Variants in ADAMTSL3 observed in about 807,000 individuals in gnomAD.
ADAMTSL3 encodes ADAMTS like 3.
A neutral mutation model predicts 201.7 loss-of-function variants in ADAMTSL3; 128 were observed. The observed-to-expected ratio is 0.63, with a 90% CI of 0.55 to 0.73. The LOEUF (loss-of-function observed/expected upper bound fraction) is 0.73, where lower values mean the gene tolerates loss of function less well. Ranked by LOEUF, ADAMTSL3 falls within the 30% of genes least tolerant of loss-of-function variation. The pLI is 0.00. For missense variants in ADAMTSL3, 1,990 were observed against 2,119.6 expected, an observed-to-expected ratio of 0.94 and a Z score of 1.20; for synonymous variants, 738 against 748.4, an observed-to-expected ratio of 0.99 and a Z score of 0.23.
chr15:83,964,697 G>T (rs114236888), intron 19 of ADAMTSL3, among the ~76,000 whole-genome samples: 16 of 152,176 alleles, frequency 1.1e-4, no homozygotes, highest in African/African-American at 3.9e-4. Context: ...TCCTCTAGAA[G>T]AACAACCCCA....
chr15:84,034,692 A>G (rs1301692942), intron 28 of ADAMTSL3, among the ~76,000 whole-genome samples: 3 of 152,168 alleles, frequency 2.0e-5, no homozygotes, highest in Non-Finnish European at 4.4e-5. Context: ...CATCTACAGC[A>G]TTTTAAAGCT....
chr15:83,746,080 C>T (rs1175143175), intron 3 of ADAMTSL3, among the ~76,000 whole-genome samples: 1 of 152,142 alleles, frequency 6.6e-6, no homozygotes. Context: ...GTTCTTTGTA[C>T]TCAGTGGGTT....
intron 19 of ADAMTSL3, among the ~76,000 whole-genome samples, chr15:83,966,640 A>G (rs975384420): frequency 6.6e-6 from 1 of 152,194 alleles, no homozygotes; most frequent in African/African-American, 2.4e-5. Flanking sequence ...AACTATTCCA[A>G]ACAATAGAAA....
chr15:83,917,384 A>C, intron 16 of ADAMTSL3, among the ~76,000 whole-genome samples: 1 of 152,098 alleles, frequency 6.6e-6, no homozygotes, highest in Non-Finnish European at 1.5e-5. Flanking sequence ...AAGCATGAAG[A>C]ATCCAGACAC....
intron 7 of ADAMTSL3, among the ~76,000 whole-genome samples, chr15:83,843,384 G>A (rs902891164): frequency 1.3e-5 from 2 of 152,138 alleles, no homozygotes; most frequent in Non-Finnish European, 2.9e-5. Context: ...GTATGCATGC[G>A]CTTGAGCTAA....
At chr15:83,658,988 T>C (rs1489013176) in intron 2 of ADAMTSL3, among the ~76,000 whole-genome samples, 2 of 152,248 alleles carry the variant, frequency 1.3e-5, no homozygotes, top group Non-Finnish European at 2.9e-5. Context: ...ACATTGGTCA[T>C]GTGGCTTGCG....
intron 3 of ADAMTSL3, among the ~76,000 whole-genome samples, chr15:83,724,696 G>T (rs879186378): frequency 1.3e-5 from 2 of 150,854 alleles, no homozygotes; most frequent in Non-Finnish European, 2.9e-5. Context: ...TTCCCCCACC[G>T]CCACTATCCT....
Position 83,958,100 on chromosome 15 carries a change from A to T in ADAMTSL3, c.2491-12384A>T, listed in dbSNP as rs56188497. Among the ~76,000 whole-genome samples, 734 of 152,336 alleles carry T rather than the reference A, an allele frequency of 4.8e-3. 4 individuals carry two copies. Among genetic ancestry groups the T allele is most frequent in the Non-Finnish European group, 7.1e-3 (481 of 68,032 alleles). ...AGTGCAGACACTGTTCAGAAATGGCAGAATTAGCAGCTGGGCAGCGATAAA... is the reference window on the plus strand; with the variant it reads ...AGTGCAGACACTGTTCAGAAATGGCTGAATTAGCAGCTGGGCAGCGATAAA... On this transcript the variant is annotated intron_variant, in intron 19 of 29. Coordinates refer to ENST00000286744, the MANE Select transcript of ADAMTSL3 (RefSeq NM_207517.3).
chr15:83,952,270 T>C (rs538237535), intron 19 of ADAMTSL3, among the ~76,000 whole-genome samples: 1 of 152,206 alleles, frequency 6.6e-6, no homozygotes, highest in Non-Finnish European at 1.5e-5. Flanking sequence ...TTTTCCAAAA[T>C]TTCTCTTGTT....
chr15:83,980,524 A>C (rs936897422), intron 20 of ADAMTSL3, among the ~76,000 whole-genome samples: 1 of 152,174 alleles, frequency 6.6e-6, no homozygotes, highest in Non-Finnish European at 1.5e-5. Flanking sequence ...ACATGGCTTA[A>C]CTGGCTGGGC....
At chr15:83,844,715 C>T (rs1410728291) in intron 7 of ADAMTSL3, among the ~76,000 whole-genome samples, 1 of 152,166 alleles carries the variant, frequency 6.6e-6, no homozygotes, top group Non-Finnish European at 1.5e-5. Context: ...GGGTTCTAGT[C>T]CTTGCCTAGC....
chr15:83,996,091 T>C (rs1440692174), intron 23 of ADAMTSL3, among the ~76,000 whole-genome samples: 2 of 152,190 alleles, frequency 1.3e-5, no homozygotes, highest in Non-Finnish European at 2.9e-5. Flanking sequence ...TAAATTCTAA[T>C]TGATTTAAGT....
chr15:83,845,095 TTCAACGTAGTTACCTCTTTC>T (rs2064468260), intron 7 of ADAMTSL3, among the ~76,000 whole-genome samples: 2 of 152,236 alleles, frequency 1.3e-5, no homozygotes, highest in African/African-American at 4.8e-5. Flanking sequence ...CTCCCTGCTC[TTCAACGTAGTTACCTCTTTC>T]TCAACGTTGA....
intron 7 of ADAMTSL3, among the ~76,000 whole-genome samples, chr15:83,847,155 C>T (rs1486450085): frequency 6.6e-6 from 1 of 152,234 alleles, no homozygotes; most frequent in African/African-American, 2.4e-5. Flanking sequence ...TCAAGGCATG[C>T]TGGTCAGTTT....
chr15:83,842,682 A>C (rs1250094421), intron 7 of ADAMTSL3, among the ~76,000 whole-genome samples: 1 of 152,260 alleles, frequency 6.6e-6, no homozygotes, highest in African/African-American at 2.4e-5. Flanking sequence ...GAAAACGTTG[A>C]AAGTGTGAAA....
intron 3 of ADAMTSL3, among the ~76,000 whole-genome samples, chr15:83,752,747 G>C (rs182597609): frequency 8.8e-4 from 134 of 152,296 alleles, no homozygotes; most frequent in Non-Finnish European, 1.6e-3. Context: ...ATATAACTTA[G>C]ATGACACAGC....
At chr15:83,659,451 G>A (rs969525788) in intron 2 of ADAMTSL3, among the ~76,000 whole-genome samples, 13 of 152,344 alleles carry the variant, frequency 8.5e-5, no homozygotes, top group African/African-American at 3.1e-4. Flanking sequence ...CTGGAGGCTA[G>A]TGTAGAAGGC....
intron 17 of ADAMTSL3, among the ~76,000 whole-genome samples, chr15:83,924,330 C>T (rs1178969128): frequency 6.6e-6 from 1 of 152,224 alleles, no homozygotes; most frequent in Non-Finnish European, 1.5e-5. Flanking sequence ...TTCTCTTTCT[C>T]CTCCCTGTTT....
At chr15:83,807,892 A>G (rs1164796776) in intron 5 of ADAMTSL3, among the ~76,000 whole-genome samples, 1 of 152,234 alleles carries the variant, frequency 6.6e-6, no homozygotes, top group Non-Finnish European at 1.5e-5. Context: ...TGGGGAAAGG[A>G]CAGTGTCTTC....
Sources: allele counts gnomAD v4.1 joint callset (sites outside exome capture counted in the v4.1 genomes callset), GRCh38; gene constraint gnomAD v4.1.1; transcripts MANE v1.5; gene names NCBI Gene and HGNC (gene_info 2026-07-23, HGNC 2026-07-21).